DGCR2: variants seen among roughly 807,000 people sequenced by gnomAD.
DGCR2 encodes the protein integral membrane protein DGCR2/IDD.
Under a neutral mutation model 51.6 loss-of-function variants are expected in DGCR2, and 24 were observed. The ratio of observed to expected loss-of-function variants is 0.47; its 90% CI spans 0.34 to 0.65. DGCR2 has a LOEUF of 0.65. DGCR2 is among the 30% of genes least tolerant of loss of function. The pLI, the probability that DGCR2 is intolerant of heterozygous loss-of-function variation, is 0.01. For synonymous variants in DGCR2, 340 were observed against 315.4 expected (o/e 1.08, Z -0.82); for missense variants, 765 against 772.1 (o/e 0.99, Z 0.11).
At position 19,098,661 on chromosome 22, in the gene DGCR2, T is replaced by C. The variant is rs563011327; in HGVS notation, c.80-9171A>G. Among the ~76,000 whole-genome samples, 5 of 152,256 alleles carry C rather than the reference T, an allele frequency of 3.3e-5. No homozygotes were observed. The East Asian group carries it at 9.6e-4, about 29-fold the overall frequency. On this transcript the variant is annotated intron_variant, in intron 1 of 9. Coordinates refer to ENST00000263196, the MANE Select transcript of DGCR2 (RefSeq NM_005137.3). ...GGAATGCAGCGGCATGACCACAGAT[T>C]ACTGCAGCGTAGACACCCTGGGCTC... is the stretch of plus-strand genomic sequence containing the variant.
rs2146297290 is a variant in DGCR2 at position 19,038,716 on chromosome 22, G to C, written c.*149C>G. 9.4e-7 allele frequency: 1 copy of C among 1,067,114 alleles called. No individual in the cohort carries two copies. The highest frequency in any genetic ancestry group is 1.3e-6 in the Non-Finnish European group (1 of 742,394). The allele number at this position is 1,067,114 out of a possible 1,614,324, so 66.1% of individuals were successfully genotyped here. A position where few individuals can be genotyped will look rare whatever the true frequency, so the allele number is the denominator to read the frequency against. ...CTTCTTTTGGCAGAAGGCGGGCTGT[G>C]GTCTCTATGTACACACGCGAGCCCG... On this transcript the variant is annotated 3_prime_UTR_variant, in exon 10 of 10. Coordinates refer to ENST00000263196, the MANE Select transcript of DGCR2 (RefSeq NM_005137.3).
At chr22:19,051,400 A>C (rs1601514861) in intron 6 of DGCR2, among the ~76,000 whole-genome samples, 1 of 152,166 alleles carries the variant, frequency 6.6e-6, no homozygotes, top group East Asian at 1.9e-4. Context: ...CTGACAAAGG[A>C]CTGGTATCTA....
At chr22:19,113,167 C>G (rs1601312680) in intron 1 of DGCR2, among the ~76,000 whole-genome samples, 1 of 151,994 alleles carries the variant, frequency 6.6e-6, no homozygotes, top group African/African-American at 2.4e-5. Context: ...GTCAAGAGAT[C>G]GAGACCATCC....
intron 1 of DGCR2, among the ~76,000 whole-genome samples, chr22:19,120,825 C>G (rs1024543481): frequency 2.0e-5 from 3 of 152,232 alleles, no homozygotes; most frequent in Non-Finnish European, 4.4e-5. Context: ...ATATGATACC[C>G]TCCTCCACAG....
chr22:19,078,687 T>C (rs1285167731), intron 2 of DGCR2, among the ~76,000 whole-genome samples: 2 of 152,232 alleles, frequency 1.3e-5, no homozygotes, highest in Admixed American at 6.5e-5. Flanking sequence ...TGACTGATTT[T>C]AGTTTGCTGA....
At chr22:19,097,227 T>C (rs1231388645) in intron 1 of DGCR2, among the ~76,000 whole-genome samples, 2 of 151,928 alleles carry the variant, frequency 1.3e-5, no homozygotes, top group African/African-American at 4.8e-5. Flanking sequence ...TATCAGTATA[T>C]AGTAAACCTA....
intron 1 of DGCR2, among the ~76,000 whole-genome samples, chr22:19,108,493 T>C (rs2083281523): frequency 6.9e-6 from 1 of 144,914 alleles, no homozygotes; most frequent in South Asian, 2.2e-4. Context: ...CAGGATCACT[T>C]GAGCCAGGGA....
At chr22:19,095,461 A>C (rs1184719081) in intron 1 of DGCR2, among the ~76,000 whole-genome samples, 1 of 152,106 alleles carries the variant, frequency 6.6e-6, no homozygotes, top group Non-Finnish European at 1.5e-5. Context: ...GGAGATGAAG[A>C]CCATCCTGGC....
At chr22:19,083,607 G>T (rs2082966043) in intron 2 of DGCR2, among the ~76,000 whole-genome samples, 1 of 151,892 alleles carries the variant, frequency 6.6e-6, no homozygotes, top group African/African-American at 2.4e-5. Context: ...TAATAAAACT[G>T]CAAATTTTTC....
At chr22:19,115,971 G>C (rs917839430) in intron 1 of DGCR2, among the ~76,000 whole-genome samples, 2 of 152,228 alleles carry the variant, frequency 1.3e-5, no homozygotes, top group Non-Finnish European at 2.9e-5. Context: ...TGAAGAGTTT[G>C]CTTTATGTCA....
intron 2 of DGCR2, among the ~76,000 whole-genome samples, chr22:19,078,707 G>A (rs1033497335): frequency 3.9e-5 from 6 of 152,178 alleles, no homozygotes; most frequent in African/African-American, 1.4e-4. Flanking sequence ...AGACATCCTT[G>A]CATTACATTT....
Position 19,105,601 on chromosome 22 carries a change from G to A in DGCR2, c.80-16111C>T, listed in dbSNP as rs367736048. Among the ~76,000 whole-genome samples the A allele has an allele frequency of 2.6e-4, 40 of 152,310 alleles. 1 individual carries two copies. In the South Asian group the frequency reaches 7.9e-3, roughly 30 times the overall value. Reference sequence around the variant, plus strand: ...TCTGGAAGGCACACTGTACTCCGGGGCCCCAGAGGGACTTCGGGACCAGAT... The same window carrying A: ...TCTGGAAGGCACACTGTACTCCGGGACCCCAGAGGGACTTCGGGACCAGAT... On this transcript the variant is annotated intron_variant, in intron 1 of 9. Transcript: ENST00000263196.
intron 1 of DGCR2, among the ~76,000 whole-genome samples, chr22:19,099,177 G>A (rs1007732237): frequency 2.2e-4 from 33 of 152,182 alleles, no homozygotes; most frequent in African/African-American, 8.0e-4. Flanking sequence ...CTGTGGTAAT[G>A]AACAAAGAAA....
At chr22:19,098,084 A>T (rs912479954) in intron 1 of DGCR2, among the ~76,000 whole-genome samples, 4 of 150,292 alleles carry the variant, frequency 2.7e-5, no homozygotes, top group African/African-American at 9.8e-5. Context: ...CCAGACTTTT[A>T]AAAAAAAAAT....
intron 2 of DGCR2, among the ~76,000 whole-genome samples, chr22:19,073,932 C>T (rs560079106): frequency 1.3e-5 from 2 of 152,200 alleles, no homozygotes; most frequent in South Asian, 2.1e-4. Flanking sequence ...TGATGGTGAA[C>T]GGGGAAGCTG....
intron 2 of DGCR2, among the ~76,000 whole-genome samples, chr22:19,089,080 C>T (rs898318715): frequency 2.0e-5 from 3 of 152,196 alleles, no homozygotes; most frequent in South Asian, 2.1e-4. Context: ...GGGGTTCACA[C>T]TCAAGATCAT....
chr22:19,057,951 A>G lies in DGCR2; in HGVS notation c.626-789T>C, dbSNP rs1274046420. Reference sequence around the variant, plus strand: ...ACGGCCCTTCCAGTCTGGGCTGCCAAGATTCCTTGAGGCTTACCCGACCAG... The same window carrying G: ...ACGGCCCTTCCAGTCTGGGCTGCCAGGATTCCTTGAGGCTTACCCGACCAG... On this transcript the variant is annotated intron_variant, in intron 5 of 9. Transcript: ENST00000263196. The surrounding 1 kb of genome is among the most constrained non-coding windows in gnomAD (Gnocchi z 5.1). Among the ~76,000 whole-genome samples the G allele has an allele frequency of 6.6e-6, 1 of 152,060 alleles. No homozygotes were observed. Among genetic ancestry groups the G allele is most frequent in the Non-Finnish European group, 1.5e-5 (1 of 67,976 alleles).
intron 1 of DGCR2, among the ~76,000 whole-genome samples, chr22:19,103,739 TAAA>T (rs34046451): frequency 3.8e-5 from 3 of 78,714 alleles, no homozygotes; most frequent in Admixed American, 1.6e-4. Context: ...AAAAAATTCT[TAAA>T]AAAAAAAAAA....
intron 1 of DGCR2, among the ~76,000 whole-genome samples, chr22:19,091,809 G>A (rs920112137): frequency 6.6e-6 from 1 of 151,410 alleles, no homozygotes; most frequent in Non-Finnish European, 1.5e-5. Flanking sequence ...GTGTGGTGAT[G>A]CACGCCTGTA....
Sources: allele counts gnomAD v4.1 joint callset (sites outside exome capture counted in the v4.1 genomes callset), GRCh38; gene constraint gnomAD v4.1.1; non-coding constraint Gnocchi (gnomAD v3.1); transcripts MANE v1.5; gene names NCBI Gene and HGNC (gene_info 2026-07-23, HGNC 2026-07-21).